ZFHX3: variants seen among roughly 807,000 people sequenced by gnomAD.
ZFHX3 encodes the protein zinc finger homeobox 3, also known as zinc finger homeobox protein 3.
In ZFHX3, 42 loss-of-function variants were observed where a neutral mutation model predicts 279.1. The ratio of observed to expected loss-of-function variants is 0.15; its 90% CI spans 0.12 to 0.19. The LOEUF is 0.19. Among genes scored for constraint, ZFHX3 ranks in the 10% least tolerant of loss-of-function variants. The probability of loss-of-function intolerance (pLI) is 1.00; values close to 1 mark genes in which losing one functional copy is unlikely to be tolerated. For missense variants in ZFHX3, 4,981 were observed against 4,754.0 expected (o/e 1.05, Z -1.40); for synonymous variants, 2,293 against 1,957.8 (o/e 1.17, Z -4.52).
In ZFHX3 at chr16:73,019,944, G is replaced by T. The variant is rs1964243636; in HGVS notation, c.-50+27808C>A. Among the ~76,000 whole-genome samples the T allele has an allele frequency of 2.0e-5, 3 of 152,038 alleles. No homozygotes were observed. In the Admixed American group the frequency reaches 2.0e-4, roughly 10 times the overall value. On this transcript the variant is annotated intron_variant, in intron 1 of 9. Transcript: ENST00000268489. ...AAAATGTCTGTTCCAACTCTGTCTGGGTCCCGTACTGAGCCCTTTAACCTC... is the reference window on the plus strand; with the variant it reads ...AAAATGTCTGTTCCAACTCTGTCTGTGTCCCGTACTGAGCCCTTTAACCTC...
chr16:73,617,535 AGATAC>A (rs2052316954), intron 2 of ZFHX3, among the ~76,000 whole-genome samples: 1 of 152,246 alleles, frequency 6.6e-6, no homozygotes, highest in South Asian at 2.1e-4. Flanking sequence ...TTTAGCAGTA[AGATAC>A]ATTTCTACAA....
At chr16:73,608,829 C>T (rs748329230) in intron 2 of ZFHX3, 1 of 152,126 alleles carries the variant, frequency 6.6e-6, no homozygotes, top group Admixed American at 6.5e-5. Flanking sequence ...TTTAAAAAAA[C>T]AACAACCTTT....
chr16:73,646,968 T>C (rs112157617), intron 2 of ZFHX3, among the ~76,000 whole-genome samples: 52 of 151,756 alleles, frequency 3.4e-4, no homozygotes, highest in Non-Finnish European at 6.8e-4. Context: ...AAACAGGAGA[T>C]GTTTCAGGCG....
intron 1 of ZFHX3, among the ~76,000 whole-genome samples, chr16:73,685,863 G>A (rs952024342): frequency 2.0e-5 from 3 of 152,176 alleles, no homozygotes; most frequent in Non-Finnish European, 4.4e-5. Context: ...CAGATAGGCT[G>A]TTCTCTAAGA....
chr16:73,463,296 G>T (rs1480724971), intron 2 of ZFHX3, among the ~76,000 whole-genome samples: 1 of 152,178 alleles, frequency 6.6e-6, no homozygotes, highest in Non-Finnish European at 1.5e-5. Flanking sequence ...CAACTTTACA[G>T]AAAAGAAAAC....
chr16:73,135,235 C>T (rs775339878), intron 6 of ZFHX3, among the ~76,000 whole-genome samples: 4 of 152,272 alleles, frequency 2.6e-5, no homozygotes, highest in Middle Eastern at 3.4e-3. Context: ...ATGCATCTAT[C>T]CATCTCCATC....
chr16:72,826,701 T>C (rs2036940391), intron 5 of ZFHX3, among the ~76,000 whole-genome samples: 1 of 152,200 alleles, frequency 6.6e-6, no homozygotes, highest in Non-Finnish European at 1.5e-5. Flanking sequence ...CCTTCTCTCT[T>C]TACTATTGTG....
intron 5 of ZFHX3, among the ~76,000 whole-genome samples, chr16:73,179,260 T>G (rs1381868026): frequency 6.6e-6 from 1 of 152,226 alleles, no homozygotes; most frequent in African/African-American, 2.4e-5. Context: ...CTTTTGGGAA[T>G]CTAGATCCTG....
Position 73,055,698 on chromosome 16 carries a change from G to GCACA in ZFHX3, c.-24+2828_-24+2831dup, listed in dbSNP as rs71156135. The stretch of plus-strand genomic sequence containing the variant: ...GACGTACGCGCGCGCGCGCGCGCGC[G>GCACA]CACACACACACACACACACACACAT... On this transcript the variant is annotated intron_variant, in intron 1 of 8. Transcript: ENST00000397992. 6.4e-3 allele frequency among the ~76,000 whole-genome samples: 698 copies of GCACA among 109,450 alleles called. 11 individuals are homozygous for GCACA. Among genetic ancestry groups the GCACA allele is most frequent in the African/African-American group, 0.018 (612 of 34,102 alleles). 71.8% of individuals were successfully genotyped at this position (109,450 alleles called of 152,430 possible). A position where few individuals can be genotyped will look rare whatever the true frequency, so the allele number is the denominator to read the frequency against.
intron 4 of ZFHX3, among the ~76,000 whole-genome samples, chr16:73,258,610 A>G (rs12599573): frequency 0.097 from 14,765 of 152,114 alleles, 1,177 homozygotes; most frequent in East Asian, 0.47. Context: ...AGCCTCCCAA[A>G]GTGCTGGGAT....
rs374099502 is a variant in ZFHX3, at chr16:72,793,817, A to G, written c.8865T>C (p.Asn2955=). The change falls in exon 9 of 10, where the codon AAT becomes AAC. Residue 2955 remains asparagine (N), a synonymous_variant. Transcript: ENST00000268489. The surrounding 1 kb of genome is among the most constrained non-coding windows in gnomAD (Gnocchi z 4.3). Reference sequence around the variant, plus strand: ...ATGACTTGAGGACCTTCAGCTGCAGATTGGTCATTTGAGTGCGAAAACGTT... The same window carrying G: ...ATGACTTGAGGACCTTCAGCTGCAGGTTGGTCATTTGAGTGCGAAAACGTT... The part of the protein sequence containing the change: ...GQKRFRTQMT[N]LQLKVLKSCF... 1 of 1,613,966 alleles carries G rather than the reference A, an allele frequency of 6.2e-7. No individual in the cohort carries two copies. The highest frequency in any genetic ancestry group is 1.3e-5 in the African/African-American group (1 of 74,884).
At chr16:73,608,166 A>G (rs950962201) in intron 2 of ZFHX3, among the ~76,000 whole-genome samples, 1 of 152,232 alleles carries the variant, frequency 6.6e-6, no homozygotes, top group African/African-American at 2.4e-5. Flanking sequence ...ACTGAGGATT[A>G]GAGATGGGCA....
intron 1 of ZFHX3, among the ~76,000 whole-genome samples, chr16:72,971,335 C>A (rs1379830498): frequency 4.5e-5 from 6 of 133,972 alleles, no homozygotes; most frequent in East Asian, 4.0e-4. Context: ...AAACAACAAA[C>A]CAAGTAGTAG....
At chr16:73,093,710 T>A (rs1028361313) in intron 7 of ZFHX3, 1 of 225,836 alleles carries the variant, frequency 4.4e-6, no homozygotes, top group Non-Finnish European at 9.5e-6. Context: ...CATAATGCCC[T>A]CCTGGCGGCG....
chr16:72,796,406 C>A lies in ZFHX3; in HGVS notation c.6276G>T (p.Met2092Ile). 1.2e-6 allele frequency: 2 copies of A among 1,612,570 alleles called. No homozygotes were observed. Among genetic ancestry groups the A allele is most frequent in the South Asian group, 2.2e-5 (2 of 91,070 alleles). Residue 2092 changes from methionine (M) to isoleucine (I), a missense_variant, in exon 9 of 10, where the codon ATG becomes ATT. Met to Ile is a conservative substitution (Grantham distance 10, BLOSUM62 1). Coordinates refer to ENST00000268489, the MANE Select transcript of ZFHX3 (RefSeq NM_006885.4). ...SVPLTQLSMP[M>I]ELPIFSPLMM... ...TCAGCGGCGAGAAGATGGGCAGCTC[C>A]ATCGGCATGGAGAGCTGGGTGAGCG... is the stretch of plus-strand genomic sequence containing the variant.
intron 2 of ZFHX3, among the ~76,000 whole-genome samples, chr16:73,461,447 C>A (rs1251755171): frequency 6.6e-6 from 1 of 152,198 alleles, no homozygotes; most frequent in East Asian, 1.9e-4. Flanking sequence ...TGTGTCAAGT[C>A]CAACAAATCT....
chr16:73,740,374 G>A (rs1363824742), intron 1 of ZFHX3, among the ~76,000 whole-genome samples: 23 of 152,032 alleles, frequency 1.5e-4, no homozygotes. Context: ...AATCTTTTCT[G>A]TTAAAAAGAA....
intron 2 of ZFHX3, among the ~76,000 whole-genome samples, chr16:73,666,916 T>C (rs1049794755): frequency 2.6e-5 from 4 of 151,974 alleles, no homozygotes; most frequent in Admixed American, 1.3e-4. Flanking sequence ...ATGGGATTCA[T>C]CCACGTTATT....
At chr16:73,256,849 G>T (rs1315008167) in intron 5 of ZFHX3, among the ~76,000 whole-genome samples, 6 of 152,070 alleles carry the variant, frequency 3.9e-5, no homozygotes, top group African/African-American at 7.2e-5. Flanking sequence ...ATCAAGTCCT[G>T]TTGGACATGT....
Sources: allele counts gnomAD v4.1 joint callset (sites outside exome capture counted in the v4.1 genomes callset), GRCh38; gene constraint gnomAD v4.1.1; non-coding constraint Gnocchi (gnomAD v3.1); transcripts MANE v1.5; gene names NCBI Gene and HGNC (gene_info 2026-07-23, HGNC 2026-07-21).